Variants in SDHAF4 observed in about 807,000 individuals in gnomAD.
SDHAF4 encodes the protein succinate dehydrogenase assembly factor 4, mitochondrial.
SDHAF4 carries 14 observed loss-of-function variants against 14.3 expected under a neutral mutation model. The observed-to-expected ratio is 0.98, with a 90% confidence interval of 0.65 to 1.53. SDHAF4 has a LOEUF of 1.53. SDHAF4 is among the 40% of genes most tolerant of loss of function. The probability of loss-of-function intolerance (pLI) is 0.00; values close to 1 mark genes in which losing one functional copy is unlikely to be tolerated. For missense variants in SDHAF4, 141 were observed against 129.3 expected (o/e 1.09, Z -0.44); for synonymous variants, 63 against 47.3 (o/e 1.33, Z -1.36).
At chr6:70,579,825 A>G (rs1241007645) in intron 2 of SDHAF4, among the ~76,000 whole-genome samples, 1 of 152,208 alleles carries the variant, frequency 6.6e-6, no homozygotes, top group African/African-American at 2.4e-5. Context: ...AACAAAATAT[A>G]TAAGTTGAGA....
At chr6:70,582,466 C>G (rs967239591) in intron 2 of SDHAF4, among the ~76,000 whole-genome samples, 7 of 152,300 alleles carry the variant, frequency 4.6e-5, no homozygotes, top group Admixed American at 3.9e-4. Flanking sequence ...CATTTGCCTC[C>G]TGAGTATCTT....
intron 1 of SDHAF4, among the ~76,000 whole-genome samples, chr6:70,568,724 T>G (rs1218718215): frequency 6.6e-6 from 1 of 152,204 alleles, no homozygotes; most frequent in Non-Finnish European, 1.5e-5. Context: ...TGTTACAATA[T>G]AATGCCAAGG....
chr6:70,566,948 C>T lies in SDHAF4; in HGVS notation c.8C>T (p.Pro3Leu), dbSNP rs1385971662. The change falls in exon 1 of 3, where the codon CCA becomes CTA. Residue 3 changes from proline (P) to leucine (L), a missense_variant. Transcript: ENST00000370474. MT[P>L]SRLPWLLSWV... The stretch of plus-strand genomic sequence containing the variant: ...GCTCGGGGAGTCGGCGCCATGACCC[C>T]ATCGAGGCTTCCCTGGTTGCTTAGC... The T allele has an allele frequency of 6.3e-7, 1 of 1,587,028 alleles. No homozygotes were observed. The highest frequency in any genetic ancestry group is 8.6e-7 in the Non-Finnish European group (1 of 1,166,818).
Position 70,567,021 on chromosome 6 carries a change from G to C in SDHAF4, c.64+17G>C. The stretch of plus-strand genomic sequence containing the variant: ...GAGCGGCAAGTAAGCACCTGGCCTC[G>C]GGGCCACGGTCGCGGGAGGGGTCGT... On this transcript the variant is annotated intron_variant, in intron 1 of 2. Transcript: ENST00000370474. The C allele has an allele frequency of 3.2e-6, 5 of 1,574,374 alleles. No homozygotes were observed. The highest frequency in any genetic ancestry group is 4.3e-6 in the Non-Finnish European group (5 of 1,159,956).
In SDHAF4 at chr6:70,588,856, T is replaced by TATATATATATATATA. The variant is rs1554183414; in HGVS notation, c.*132_*133insATATATATATATATA. The stretch of plus-strand genomic sequence containing the variant: ...TAATGTGTTTAAATATATATATATA[T>TATATATATATATATA]GATGGCTTTGGAAGAAAATATGCTG... On this transcript the variant is annotated 3_prime_UTR_variant, in exon 3 of 3. Transcript: ENST00000370474. 32 of 324,938 alleles carry TATATATATATATATA rather than the reference T, an allele frequency of 9.8e-5. No homozygotes were observed. Among genetic ancestry groups the TATATATATATATATA allele is most frequent in the Non-Finnish European group, 1.0e-4 (18 of 174,360 alleles). The allele number at this position is 324,938 out of a possible 1,614,324, so 20.1% of individuals were successfully genotyped here.
intron 2 of SDHAF4, among the ~76,000 whole-genome samples, chr6:70,581,981 C>T (rs561405896): frequency 6.6e-5 from 10 of 152,286 alleles, no homozygotes; most frequent in South Asian, 2.1e-4. Flanking sequence ...CCTCTGCCTC[C>T]GCCCAACACC....
intron 1 of SDHAF4, among the ~76,000 whole-genome samples, chr6:70,577,521 A>G (rs1802271356): frequency 6.6e-6 from 1 of 152,188 alleles, no homozygotes; most frequent in Admixed American, 6.5e-5. Context: ...AGAGAAAATG[A>G]TGTCATTTAC....
At chr6:70,586,747 C>T (rs1391457936) in intron 2 of SDHAF4, among the ~76,000 whole-genome samples, 2 of 151,918 alleles carry the variant, frequency 1.3e-5, no homozygotes. Context: ...GAGAGACAGA[C>T]AATAATCCAA....
chr6:70,582,090 G>A (rs1424106199), intron 2 of SDHAF4, among the ~76,000 whole-genome samples: 1 of 152,044 alleles, frequency 6.6e-6, no homozygotes, highest in African/African-American at 2.4e-5. Flanking sequence ...TTGATTGATT[G>A]AGGCAGAGTC....
intron 2 of SDHAF4, among the ~76,000 whole-genome samples, chr6:70,580,058 GATAA>G (rs10572808): frequency 0.13 from 19,316 of 151,204 alleles, 3,741 homozygotes; most frequent in African/African-American, 0.43. Flanking sequence ...AATGAGGTAT[GATAA>G]ATAAATAACA....
chr6:70,591,073 C>T (rs569531623), downstream of SDHAF4, among the ~76,000 whole-genome samples: 6 of 152,224 alleles, frequency 3.9e-5, no homozygotes, highest in South Asian at 2.1e-4. Context: ...AGATAATGCC[C>T]GAATACATTG....
At chr6:70,573,518 C>T (rs1014411020) in intron 1 of SDHAF4, among the ~76,000 whole-genome samples, 1 of 151,804 alleles carries the variant, frequency 6.6e-6, no homozygotes, top group African/African-American at 2.4e-5. Flanking sequence ...CCTGCCTCAG[C>T]CTCCCAAATT....
downstream of SDHAF4, among the ~76,000 whole-genome samples, chr6:70,592,553 G>A (rs1765267816): frequency 1.3e-5 from 2 of 152,180 alleles, no homozygotes; most frequent in South Asian, 4.1e-4. Flanking sequence ...CCAAGGCTGG[G>A]TGTTTTATAG....
At chr6:70,597,754 C>G in the SDHAF4 span, among the ~76,000 whole-genome samples, 32 of 152,200 alleles carry the variant, frequency 2.1e-4, no homozygotes, top group African/African-American at 7.0e-4. Flanking sequence ...ATTTTATAAT[C>G]AAATGTGTTC....
chr6:70,579,625 T>G (rs1802296746), intron 2 of SDHAF4, 59 bp downstream of exon 2: 7 of 1,379,394 alleles, frequency 5.1e-6, no homozygotes, highest in South Asian at 1.7e-5. Flanking sequence ...TTTTAGTTAT[T>G]GAGAAAATGA....
At chr6:70,571,321 A>G (rs1473575595) in intron 1 of SDHAF4, among the ~76,000 whole-genome samples, 1 of 152,164 alleles carries the variant, frequency 6.6e-6, no homozygotes, top group Non-Finnish European at 1.5e-5. Flanking sequence ...ATATTTTTAA[A>G]TATAATGTTG....
At position 70,566,946 on chromosome 6, in the gene SDHAF4, C is replaced by A. The variant is rs977926199; in HGVS notation, c.6C>A (p.Thr2=). The A allele has an allele frequency of 8.2e-6, 13 of 1,585,782 alleles. No homozygotes were observed. The African/African-American group carries it at 1.6e-4, about 20-fold the overall frequency. The change falls in exon 1 of 3, where the codon ACC becomes ACA. Residue 2 remains threonine, a synonymous_variant. Transcript: ENST00000370474. ...AGGCTCGGGGAGTCGGCGCCATGAC[C>A]CCATCGAGGCTTCCCTGGTTGCTTA... is the stretch of plus-strand genomic sequence containing the variant. M[T]PSRLPWLLSW...
In SDHAF4 at chr6:70,589,538, A is replaced by G. The variant is rs1337894192; in HGVS notation, c.*814A>G. 1 of 152,236 alleles carries G rather than the reference A, an allele frequency of 6.6e-6. No individual in the cohort carries two copies. The highest frequency in any genetic ancestry group is 2.4e-5 in the African/African-American group (1 of 41,452). The allele number at this position is 152,236 out of a possible 1,614,324, so 9.4% of individuals were successfully genotyped here. On this transcript the variant is annotated 3_prime_UTR_variant, in exon 3 of 3. Transcript: ENST00000370474. ...TTTAAATTAATCAGTTGCTTATAAAATGCATACATAAATAAAATAATTTTT... is the reference window on the plus strand; with the variant it reads ...TTTAAATTAATCAGTTGCTTATAAAGTGCATACATAAATAAAATAATTTTT...
At chr6:70,579,872 AAAG>A (rs72378233) in intron 2 of SDHAF4, among the ~76,000 whole-genome samples, 18,920 of 152,110 alleles carry the variant, frequency 0.12, 1,472 homozygotes, top group Middle Eastern at 0.19. Context: ...TATTTGTATC[AAAG>A]AAGGTTATGT....
Sources: allele counts gnomAD v4.1 joint callset (sites outside exome capture counted in the v4.1 genomes callset), GRCh38; gene constraint gnomAD v4.1.1; transcripts MANE v1.5; gene names NCBI Gene and HGNC (gene_info 2026-07-23, HGNC 2026-07-21).